The following MDGA2 variants were observed in gnomAD, a reference collection of about 807,000 sequenced individuals.
MDGA2 encodes the protein MAM domain-containing glycosylphosphatidylinositol anchor protein 2.
In MDGA2, 40 loss-of-function variants were observed where a neutral mutation model predicts 117.8. The observed-to-expected ratio is 0.34, with a 90% CI of 0.26 to 0.44. The LOEUF (loss-of-function observed/expected upper bound fraction) is 0.44. MDGA2 is among the 20% of genes least tolerant of loss of function. The pLI, the probability that MDGA2 is intolerant of heterozygous loss-of-function variation, is 1.00. For missense variants in MDGA2, 1,123 were observed against 1,250.6 expected (o/e 0.90, Z 1.54); for synonymous variants, 452 against 439.0 (o/e 1.03, Z -0.37).
At chr14:46,842,171 A>C (rs1880643888) in intron 16 of MDGA2, 152 bp from the exon 17 acceptor site, 1 of 589,388 alleles carries the variant, frequency 1.7e-6, no homozygotes, top group African/African-American at 1.9e-5. Flanking sequence ...TATCAGCTTC[A>C]TTGCTAAGGG....
At chr14:47,361,781 C>A (rs534946369) in intron 1 of MDGA2, among the ~76,000 whole-genome samples, 78 of 152,152 alleles carry the variant, frequency 5.1e-4, no homozygotes, top group African/African-American at 1.9e-3. Context: ...GATCATTGAT[C>A]TGCATACCTG....
intron 12 of MDGA2, among the ~76,000 whole-genome samples, chr14:46,876,721 A>C (rs984475396): frequency 6.6e-6 from 1 of 151,608 alleles, no homozygotes; most frequent in East Asian, 1.9e-4. Context: ...AAAACTCAGG[A>C]ACAAGAATCC....
At chr14:47,355,344 T>G (rs918296935) in intron 1 of MDGA2, among the ~76,000 whole-genome samples, 1 of 152,168 alleles carries the variant, frequency 6.6e-6, no homozygotes, top group Non-Finnish European at 1.5e-5. Context: ...TCTTTGGGTA[T>G]TCCCCAATGA....
chr14:46,894,496 T>A (rs1457513666), intron 10 of MDGA2, among the ~76,000 whole-genome samples: 1 of 152,112 alleles, frequency 6.6e-6, no homozygotes, highest in Non-Finnish European at 1.5e-5. Context: ...AGATAACAAA[T>A]CTAGCTTTTA....
chr14:47,490,436 G>A (rs17746124), intron 1 of MDGA2, among the ~76,000 whole-genome samples: 17,575 of 152,002 alleles, frequency 0.12, 1,251 homozygotes, highest in Non-Finnish European at 0.14. Flanking sequence ...AAAATAAGCC[G>A]CTGTTCAATA....
At chr14:47,049,345 T>C (rs1889373625) in intron 7 of MDGA2, among the ~76,000 whole-genome samples, 1 of 151,958 alleles carries the variant, frequency 6.6e-6, no homozygotes, top group Non-Finnish European at 1.5e-5. Context: ...AATCTGTAGG[T>C]TTTCAAGTCC....
At chr14:47,315,578 T>C (rs1479821942) in intron 1 of MDGA2, among the ~76,000 whole-genome samples, 1 of 152,120 alleles carries the variant, frequency 6.6e-6, no homozygotes. Context: ...CATTCCTTAA[T>C]GAAACTCAAC....
intron 4 of MDGA2, among the ~76,000 whole-genome samples, chr14:47,141,259 A>T (rs1345034725): frequency 1.3e-5 from 2 of 152,196 alleles, no homozygotes; most frequent in African/African-American, 4.8e-5. Flanking sequence ...AATTAAAAAT[A>T]GAGCTATAAT....
At chr14:46,863,948 T>G (rs1881614339) in intron 14 of MDGA2, among the ~76,000 whole-genome samples, 1 of 152,134 alleles carries the variant, frequency 6.6e-6, no homozygotes, top group Non-Finnish European at 1.5e-5. Context: ...TCCTCAATTT[T>G]AAATTCATCT....
intron 9 of MDGA2, among the ~76,000 whole-genome samples, chr14:46,929,902 G>A (rs1884500841): frequency 6.6e-6 from 1 of 150,578 alleles, no homozygotes; most frequent in Non-Finnish European, 1.5e-5. Context: ...CTCTCAAAGT[G>A]TGGGATTACA....
intron 1 of MDGA2, among the ~76,000 whole-genome samples, chr14:47,387,850 C>T (rs1243409112): frequency 2.0e-5 from 3 of 152,186 alleles, no homozygotes; most frequent in Non-Finnish European, 4.4e-5. Flanking sequence ...GAAAGACCCT[C>T]TCTATGTCCA....
intron 2 of MDGA2, among the ~76,000 whole-genome samples, chr14:47,256,632 G>A (rs1277595876): frequency 6.6e-6 from 1 of 152,184 alleles, no homozygotes; most frequent in Non-Finnish European, 1.5e-5. Flanking sequence ...TCCATTAGGA[G>A]AAGAGGTGAT....
At position 47,595,090 on chromosome 14, in the gene MDGA2, G is replaced by A. The variant is rs550156766; in HGVS notation, c.280+79427C>T. ...CACGTGCTTATCTAGAACAAAGCCT[G>A]TAACAAGTTACTCTCTTATCCCCGA... On this transcript the variant is annotated intron_variant, in intron 1 of 16. Coordinates refer to ENST00000399232, the MANE Select transcript of MDGA2 (RefSeq NM_001113498.3). Among the ~76,000 whole-genome samples, 151 of 152,088 alleles carry A rather than the reference G, an allele frequency of 9.9e-4. 1 individual carries two copies. The highest frequency in any genetic ancestry group is 3.5e-3 in the African/African-American group (144 of 41,498).
At chr14:47,618,465 A>G (rs1896987494) in intron 1 of MDGA2, among the ~76,000 whole-genome samples, 1 of 151,944 alleles carries the variant, frequency 6.6e-6, no homozygotes, top group Non-Finnish European at 1.5e-5. Flanking sequence ...ATCATCCCCT[A>G]CTCCCTGAAT....
chr14:47,390,015 C>T (rs1247529303), intron 1 of MDGA2, among the ~76,000 whole-genome samples: 1 of 152,056 alleles, frequency 6.6e-6, no homozygotes, highest in African/African-American at 2.4e-5. Flanking sequence ...GAGGACAGGC[C>T]TCTTTGAGCT....
At chr14:47,084,604 C>G (rs749105097) in intron 6 of MDGA2, among the ~76,000 whole-genome samples, 2 of 151,900 alleles carry the variant, frequency 1.3e-5, no homozygotes, top group African/African-American at 2.4e-5. Flanking sequence ...TTTGTTGTAA[C>G]CCTACTTACC....
intron 1 of MDGA2, among the ~76,000 whole-genome samples, chr14:47,613,972 A>C (rs2138911575): frequency 6.6e-6 from 1 of 152,284 alleles, no homozygotes; most frequent in African/African-American, 2.4e-5. Context: ...GTGCCATTCT[A>C]GAAGAAATTT....
chr14:46,851,822 GTTGTTA>G (rs945685540), intron 15 of MDGA2, among the ~76,000 whole-genome samples: 2 of 151,482 alleles, frequency 1.3e-5, no homozygotes, highest in African/African-American at 4.8e-5. Flanking sequence ...TGGTATCATT[GTTGTTA>G]TCAGGAGTTC....
intron 8 of MDGA2, among the ~76,000 whole-genome samples, chr14:46,959,251 ATGTGTGTGTGTGTGTGTGTGTGTGTGTG>A (rs3985119): frequency 4.3e-5 from 6 of 140,130 alleles, no homozygotes; most frequent in African/African-American, 1.5e-4. Flanking sequence ...AATGCTATAT[ATGTGTGTGTGTGTGTGTGTGTGTGTGTG>A]TGTGTGTGTG....
Sources: allele counts gnomAD v4.1 joint callset (sites outside exome capture counted in the v4.1 genomes callset), GRCh38; gene constraint gnomAD v4.1.1; transcripts MANE v1.5; gene names NCBI Gene and HGNC (gene_info 2026-07-23, HGNC 2026-07-21).